The following NOC2L variants were observed in gnomAD, a reference collection of about 807,000 sequenced individuals.
The protein encoded by NOC2L is NOC2 like nucleolar associated transcriptional repressor.
NOC2L carries 101 observed loss-of-function variants against 94.2 expected under a neutral mutation model. The ratio of observed to expected loss-of-function variants is 1.07; its 90% confidence interval spans 0.91 to 1.26. NOC2L has a LOEUF of 1.26. Among genes scored for constraint, NOC2L ranks in the 50% most tolerant of loss-of-function variants. NOC2L has a pLI of 0.00. For missense variants in NOC2L, 1,076 were observed against 980.1 expected, an observed-to-expected ratio of 1.10 and a Z score of -1.31; for synonymous variants, 531 against 413.4, an observed-to-expected ratio of 1.28 and a Z score of -3.45.
Position 949,793 on chromosome 1 carries a change from C to T in NOC2L, c.1444-1190G>A, listed in dbSNP as rs72904529. On this transcript the variant is annotated intron_variant, in intron 12 of 18. Coordinates refer to ENST00000327044, the MANE Select transcript of NOC2L (RefSeq NM_015658.4). ...CTGGCTGCCATGGGAGTGAACATGG[C>T]TTCCTAAAGATGTTCAGCATCCCTG... Among the ~76,000 whole-genome samples the T allele has an allele frequency of 3.8e-3, 581 of 152,294 alleles. 8 individuals are homozygous for T. Among genetic ancestry groups the T allele is most frequent in the African/African-American group, 0.013 (558 of 41,554 alleles).
In NOC2L at chr1:957,145, G is replaced by C. The variant is rs1179882781; in HGVS notation, c.308C>G (p.Ser103Cys). Residue 103 changes from serine (S) to cysteine (C), a missense_variant, in exon 3 of 19, where the codon TCT becomes TGT. This residue lies in a region of NOC2L where 457 missense variants were observed against 386.0 expected (regional missense o/e 1.18). Transcript: ENST00000327044. ...SLLNFSDSDS[S>C]EEEEGPFHSL... The stretch of plus-strand genomic sequence containing the variant: ...GTGGAACGGCCCCTCTTCCTCCTCA[G>C]AGCTGTCCGAGTCGCTGAAGTTTAG... 6.2e-7 allele frequency: 1 copy of C among 1,614,084 alleles called. No homozygotes were observed. Among genetic ancestry groups the C allele is most frequent in the South Asian group, 1.1e-5 (1 of 91,088 alleles).
At position 955,971 on chromosome 1, in the gene NOC2L, C is replaced by T; in HGVS notation, c.650G>A (p.Gly217Asp). 6.2e-7 allele frequency: 1 copy of T among 1,614,006 alleles called. No individual in the cohort carries two copies. Among genetic ancestry groups the T allele is most frequent in the Non-Finnish European group, 8.5e-7 (1 of 1,180,010 alleles). The change falls in exon 6 of 19, where the codon GGC (glycine) becomes GAC (aspartate). Residue 217 changes from glycine (G) to aspartate (D), a missense_variant. Gly to Asp is a moderately conservative substitution (Grantham distance 94). Transcript: ENST00000327044. ...LVTFCIRDLIGCLQKLLFGKV... is the reference protein window; with the variant it reads ...LVTFCIRDLIDCLQKLLFGKV... ...TCCAAACAGCAGCTTCTGGAGACAG[C>T]CAATGAGGTCTCTGATGCAGAAGGT...
Position 944,741 on chromosome 1 carries a change from C to A in NOC2L, c.2203G>T (p.Gly735Trp). The A allele has an allele frequency of 6.2e-7, 1 of 1,601,072 alleles. No individual in the cohort carries two copies. Among genetic ancestry groups the A allele is most frequent in the Non-Finnish European group, 8.5e-7 (1 of 1,178,662 alleles). ...APGELQQLAQGPEDELEDLQL... is the reference protein window; with the variant it reads ...APGELQQLAQWPEDELEDLQL... ...AGATCCTCCAGCTCGTCCTCCGGCC[C>A]CTGGGCCAGCTGCTGCAGCTCCCCA... Residue 735 changes from glycine to tryptophan, a missense_variant, in exon 19 of 19, where the codon GGG (glycine) becomes TGG (tryptophan). Around this residue, in one of 3 missense-constraint regions of NOC2L, gnomAD observed 615 missense variants for 577.4 expected, o/e 1.07. Transcript: ENST00000327044.
chr1:958,481 C>T, intron 2 of NOC2L: 2 of 353,940 alleles, frequency 5.7e-6, no homozygotes, highest in South Asian at 4.2e-5. Flanking sequence ...AATTCCTGAC[C>T]TCAGGTAATC....
intron 14 of NOC2L, among the ~76,000 whole-genome samples, chr1:947,225 C>G (rs992940424): frequency 1.3e-5 from 2 of 152,228 alleles, no homozygotes; most frequent in African/African-American, 4.8e-5. Flanking sequence ...GACCCCGACC[C>G]TGGGCCCTTG....
intron 2 of NOC2L, chr1:958,586 A>G (rs1642482056): frequency 2.0e-6 from 1 of 496,768 alleles, no homozygotes. Flanking sequence ...GCTCCCCTGC[A>G]ACTCTCTCTT....
rs112341375 is a variant in NOC2L at position 946,447 on chromosome 1, G to C, written c.1758C>G (p.Ser586Arg). 11 of 1,613,388 alleles carry C rather than the reference G, an allele frequency of 6.8e-6. No individual in the cohort carries two copies. The African/African-American group carries it at 8.0e-5, about 12-fold the overall frequency. ...CGCCGAAGGAAACCCTCTGGCGGCG[G>C]CTGCAGATGTATGCCGAGTTCTCCT... is the stretch of plus-strand genomic sequence containing the variant. ...KVQENSAYIC[S>R]RRQRVSFGVS... The change falls in exon 15 of 19, where the codon AGC becomes AGG. Residue 586 changes from serine to arginine, a missense_variant. Transcript: ENST00000327044.
intron 12 of NOC2L, among the ~76,000 whole-genome samples, chr1:950,863 CCA>C (rs1241548084): frequency 1.3e-5 from 2 of 152,164 alleles, no homozygotes; most frequent in African/African-American, 4.8e-5. Context: ...CCTGCCTACT[CCA>C]GTCTTGGGCA....
chr1:955,908 C>T lies in NOC2L; in HGVS notation c.698+15G>A. 6.2e-7 allele frequency: 1 copy of T among 1,605,278 alleles called. No individual in the cohort carries two copies. The highest frequency in any genetic ancestry group is 8.5e-7 in the Non-Finnish European group (1 of 1,172,132). ...CACCTTCCACCCTACCCCCCTTCAC[C>T]CCCTCCCCTCTTACCTGCTGCTATC... On this transcript the variant is annotated intron_variant, in intron 6 of 18. Transcript: ENST00000327044.
At position 957,429 on chromosome 1, in the gene NOC2L, A is replaced by G. The variant is rs913629356; in HGVS notation, c.180-156T>C. 6.0e-5 allele frequency: 40 copies of G among 666,560 alleles called. 1 individual carries two copies. The South Asian group carries it at 6.1e-4, about 10-fold the overall frequency. 41.3% of individuals were successfully genotyped at this position (666,560 alleles called of 1,614,324 possible). A position where few individuals can be genotyped will look rare whatever the true frequency, so the allele number is the denominator to read the frequency against. On this transcript the variant is annotated intron_variant, in intron 2 of 18. Coordinates refer to ENST00000327044, the MANE Select transcript of NOC2L (RefSeq NM_015658.4). ...TTTGGCAGACTCACGTCTCCTACCC[A>G]ACAACCTCTACAACATACCCTCAAA...
Position 946,241 on chromosome 1 carries a change from A to C in NOC2L, c.1849T>G (p.Leu617Val). 1 of 1,613,794 alleles carries C rather than the reference A, an allele frequency of 6.2e-7. No individual in the cohort carries two copies. Among genetic ancestry groups the C allele is most frequent in the Non-Finnish European group, 8.5e-7 (1 of 1,179,874 alleles). The change falls in exon 16 of 19, where the codon TTG becomes GTG. Residue 617 changes from leucine (L) to valine (V), a missense_variant. Coordinates refer to ENST00000327044, the MANE Select transcript of NOC2L (RefSeq NM_015658.4). ...AGCTTGCGCCAGTGGCTGTAGTACA[A>C]GGTCAGGGGTGTCCCCTCTTCCCGG... is the stretch of plus-strand genomic sequence containing the variant. ...LTREEGTPLT[L>V]YYSHWRKLRD... is the part of the protein sequence containing the mutation.
In NOC2L at chr1:944,784, T is replaced by C. The variant is rs369630723; in HGVS notation, c.2160A>G (p.Ala720=). ...SSNSEDGDPD[A]EAGLAPGELQ... The stretch of plus-strand genomic sequence containing the variant: ...GCTCCCCAGGGGCCAGCCCCGCCTC[T>C]GCGTCTGGGTCTCCATCTGCGGGGA... Residue 720 remains alanine, a synonymous_variant, in exon 19 of 19, where the codon GCA becomes GCG. Transcript: ENST00000327044. 5.4e-5 allele frequency: 86 copies of C among 1,592,252 alleles called. No individual in the cohort carries two copies. The highest frequency in any genetic ancestry group is 1.6e-4 in the South Asian group (14 of 90,066).
Position 953,830 on chromosome 1 carries a change from C to G in NOC2L, c.840G>C (p.Leu280=). 4 of 1,613,096 alleles carry G rather than the reference C, an allele frequency of 2.5e-6. No homozygotes were observed. In the South Asian group the frequency reaches 4.4e-5, roughly 18 times the overall value. The change falls in exon 8 of 19, where the codon CTG becomes CTC. Residue 280 remains leucine, a synonymous_variant. Transcript: ENST00000327044. ...LAAVLRHISV[L]VPCFLTFPKQ... ...TGGGGAAGGTCAGGAAGCAGGGCACCAGCACGCTGATGTGCCGCAGCACGG... is the reference window on the plus strand; with the variant it reads ...TGGGGAAGGTCAGGAAGCAGGGCACGAGCACGCTGATGTGCCGCAGCACGG...
At position 948,589 on chromosome 1, in the gene NOC2L, G is replaced by A. The variant is rs374853608; in HGVS notation, c.1458C>T (p.Val486=). The A allele has an allele frequency of 3.3e-5, 52 of 1,553,666 alleles. No homozygotes were observed. Among genetic ancestry groups the A allele is most frequent in the Middle Eastern group, 3.4e-4 (2 of 5,930 alleles). The change falls in exon 13 of 19, where the codon GTC becomes GTT. Residue 486 remains valine, a synonymous_variant. Coordinates refer to ENST00000327044, the MANE Select transcript of NOC2L (RefSeq NM_015658.4). The part of the protein sequence containing the change: ...LPFILEMFQQ[V]DFNRKPGRMS... Reference sequence around the variant, plus strand: ...TGCGCCCTGGCTTCCTGTTGAAGTCGACCTGCTGGAACATCTGCCCCAAGG... The same window carrying A: ...TGCGCCCTGGCTTCCTGTTGAAGTCAACCTGCTGGAACATCTGCCCCAAGG...
At chr1:954,283 C>T (rs963818388) in intron 6 of NOC2L, 1 of 548,674 alleles carries the variant, frequency 1.8e-6, no homozygotes, top group South Asian at 2.6e-5. Flanking sequence ...TGCATTAGCT[C>T]CTCCTTCAGT....
At position 952,548 on chromosome 1, in the gene NOC2L, AG is replaced by A. The variant is rs1341759302; in HGVS notation, c.1054del (p.Leu352SerfsTer11). On this transcript the variant is annotated frameshift_variant, in exon 10 of 19. Transcript: ENST00000327044. LOFTEE classifies it high-confidence loss of function. ...RNCKFTSPGA[L>X]PFISFMQWTL... is the part of the protein sequence containing the mutation. ...CCACTGCATGAAACTGATGAAGGGGAGGGCACCAGGCGAGGTGAACTTGCAG... is the reference window on the plus strand; with the variant it reads ...CCACTGCATGAAACTGATGAAGGGGAGGCACCAGGCGAGGTGAACTTGCAG... The A allele has an allele frequency of 6.2e-7, 1 of 1,613,760 alleles. No homozygotes were observed. The highest frequency in any genetic ancestry group is 8.5e-7 in the Non-Finnish European group (1 of 1,180,022).
chr1:957,590 C>A, intron 2 of NOC2L: 1 of 337,350 alleles, frequency 3.0e-6, no homozygotes, highest in Non-Finnish European at 5.6e-6. Flanking sequence ...CTGATGGTGG[C>A]TTCACCCTTC....
Position 946,564 on chromosome 1 carries a change from AG to A in NOC2L, c.1660-20del. 1.2e-6 allele frequency: 2 copies of A among 1,608,688 alleles called. No homozygotes were observed. Among genetic ancestry groups the A allele is most frequent in the Non-Finnish European group, 1.7e-6 (2 of 1,176,756 alleles). ...ACTTCAGCTGCGGAAGGGAGGGGTC[AG>A]CCACTGAAGCCCAGGACCGCTCCAT... On this transcript the variant is annotated intron_variant, in intron 14 of 18. Coordinates refer to ENST00000327044, the MANE Select transcript of NOC2L (RefSeq NM_015658.4).
In NOC2L at chr1:944,374, G is replaced by A. The variant is rs1028577797; in HGVS notation, c.*320C>T. ...ACGAGGTCTGCAGACGGAGGGCAGA[G>A]GTGGTGGAAGGGGCCAGGGGCCTGC... is the stretch of plus-strand genomic sequence containing the variant. On this transcript the variant is annotated 3_prime_UTR_variant, in exon 19 of 19. Transcript: ENST00000327044. 25 of 1,348,076 alleles carry A rather than the reference G, an allele frequency of 1.9e-5. No individual in the cohort carries two copies. The African/African-American group carries it at 3.2e-4, about 17-fold the overall frequency. 83.5% of individuals were successfully genotyped at this position (1,348,076 alleles called of 1,614,324 possible).
Sources: allele counts gnomAD v4.1 joint callset (sites outside exome capture counted in the v4.1 genomes callset), GRCh38; gene constraint gnomAD v4.1.1; regional missense constraint gnomAD v4.1.1; transcripts MANE v1.5; gene names NCBI Gene and HGNC (gene_info 2026-07-23, HGNC 2026-07-21).